Variants in HS3ST2 observed in about 807,000 individuals in gnomAD.
The protein encoded by HS3ST2 is heparan sulfate-glucosamine 3-sulfotransferase 2.
Under a neutral mutation model 26.3 loss-of-function variants are expected in HS3ST2, and 17 were observed. The ratio of observed to expected loss-of-function variants is 0.65; its 90% CI spans 0.44 to 0.97. The LOEUF (loss-of-function observed/expected upper bound fraction) is 0.97. Among genes scored for constraint, HS3ST2 ranks in the 50% least tolerant of loss-of-function variants. The probability of loss-of-function intolerance (pLI) is 0.00; values close to 1 mark genes in which losing one functional copy is unlikely to be tolerated. For synonymous variants in HS3ST2, 237 were observed against 219.2 expected (o/e 1.08, Z -0.72); for missense variants, 402 against 501.2 (o/e 0.80, Z 1.89).
chr16:22,901,885 T>A (rs769935998), intron 1 of HS3ST2, among the ~76,000 whole-genome samples: 2 of 152,164 alleles, frequency 1.3e-5, no homozygotes, highest in Admixed American at 1.3e-4. Context: ...AAAAATAGCT[T>A]TTCATTAGAT....
At chr16:22,844,856 T>C (rs1025031255) in intron 1 of HS3ST2, among the ~76,000 whole-genome samples, 21 of 151,932 alleles carry the variant, frequency 1.4e-4, no homozygotes, top group Middle Eastern at 3.4e-3. Flanking sequence ...TTTTCTTTTC[T>C]TTCTTTTTTT....
At chr16:22,823,377 A>C (rs1210891604) in intron 1 of HS3ST2, among the ~76,000 whole-genome samples, 1 of 152,182 alleles carries the variant, frequency 6.6e-6, no homozygotes, top group Non-Finnish European at 1.5e-5. Context: ...GAGATAATAC[A>C]TCTCACTGTG....
At chr16:22,912,901 C>T (rs923249568) in intron 1 of HS3ST2, among the ~76,000 whole-genome samples, 1 of 151,936 alleles carries the variant, frequency 6.6e-6, no homozygotes, top group Non-Finnish European at 1.5e-5. Flanking sequence ...TTAGCTAGTC[C>T]TCAATTTGGT....
rs542557753 is a variant in HS3ST2 at position 22,892,864 on chromosome 16, A to G, written c.486-22080A>G. Reference sequence around the variant, plus strand: ...CTCTTTTCATTAATATACTGATCCAATAGAAACTTTATAGTTATTATGTCA... The same window carrying G: ...CTCTTTTCATTAATATACTGATCCAGTAGAAACTTTATAGTTATTATGTCA... On this transcript the variant is annotated intron_variant, in intron 1 of 1. Coordinates refer to ENST00000261374, the MANE Select transcript of HS3ST2 (RefSeq NM_006043.2). 7.9e-5 allele frequency among the ~76,000 whole-genome samples: 12 copies of G among 152,310 alleles called. No homozygotes were observed. The East Asian group carries it at 1.7e-3, about 22-fold the overall frequency.
chr16:22,902,056 G>A (rs556885358), intron 1 of HS3ST2, among the ~76,000 whole-genome samples: 4 of 152,304 alleles, frequency 2.6e-5, no homozygotes, highest in Non-Finnish European at 4.4e-5. Flanking sequence ...AATGTATTGT[G>A]TATCCTTTTA....
At chr16:22,818,036 C>A (rs955173897) in intron 1 of HS3ST2, among the ~76,000 whole-genome samples, 18 of 152,204 alleles carry the variant, frequency 1.2e-4, no homozygotes, top group Non-Finnish European at 4.4e-5. Flanking sequence ...CCCGTTCAGG[C>A]CACTACCAGA....
At chr16:22,896,945 C>T (rs924780164) in intron 1 of HS3ST2, among the ~76,000 whole-genome samples, 7 of 152,166 alleles carry the variant, frequency 4.6e-5, no homozygotes, top group Non-Finnish European at 1.0e-4. Context: ...GTAGCTGAGA[C>T]TACAGGTATA....
rs1286211790 is a variant in HS3ST2, at chr16:22,885,125, G to A, written c.486-29819G>A. Among the ~76,000 whole-genome samples, 4 of 152,014 alleles carry A rather than the reference G, an allele frequency of 2.6e-5. No homozygotes were observed. The East Asian group carries it at 7.8e-4, about 29-fold the overall frequency. On this transcript the variant is annotated intron_variant, in intron 1 of 1. Coordinates refer to ENST00000261374, the MANE Select transcript of HS3ST2 (RefSeq NM_006043.2). ...CAAAGTGCTGGGATTACAGGCATAAGCCATCGCTCCCAGCCAACATTTTTC... is the reference window on the plus strand; with the variant it reads ...CAAAGTGCTGGGATTACAGGCATAAACCATCGCTCCCAGCCAACATTTTTC...
At chr16:22,825,782 G>A (rs144559085) in intron 1 of HS3ST2, among the ~76,000 whole-genome samples, 274 of 152,362 alleles carry the variant, frequency 1.8e-3, no homozygotes, top group African/African-American at 4.6e-3. Flanking sequence ...CCAGCACTTT[G>A]GGAGGCCAAG....
At chr16:22,875,822 C>A (rs1385541690) in intron 1 of HS3ST2, among the ~76,000 whole-genome samples, 1 of 152,152 alleles carries the variant, frequency 6.6e-6, no homozygotes, top group Non-Finnish European at 1.5e-5. Context: ...ATAGGTATAC[C>A]ATTTTTAACC....
At position 22,915,209 on chromosome 16, in the gene HS3ST2, G is replaced by T; in HGVS notation, c.751G>T (p.Gly251Cys). The change falls in exon 2 of 2, where the codon GGC (glycine) becomes TGC (cysteine). Residue 251 changes from glycine (G) to cysteine (C), a missense_variant. Coordinates refer to ENST00000261374, the MANE Select transcript of HS3ST2 (RefSeq NM_006043.2). ...VDVSWNAIRI[G>C]MYVLHLESWL... The stretch of plus-strand genomic sequence containing the variant: ...CGTGTCATGGAACGCCATCCGCATC[G>T]GCATGTACGTGCTGCACCTGGAGAG... 1 of 1,614,098 alleles carries T rather than the reference G, an allele frequency of 6.2e-7. No individual in the cohort carries two copies. Among genetic ancestry groups the T allele is most frequent in the South Asian group, 1.1e-5 (1 of 91,070 alleles).
At chr16:22,824,408 G>A (rs188711483) in intron 1 of HS3ST2, among the ~76,000 whole-genome samples, 16 of 152,122 alleles carry the variant, frequency 1.1e-4, no homozygotes, top group Non-Finnish European at 2.2e-4. Flanking sequence ...TTAGCCGGGC[G>A]TGGTGGCAGG....
intron 1 of HS3ST2, among the ~76,000 whole-genome samples, chr16:22,865,461 CAGG>C (rs1901737879): frequency 6.6e-6 from 1 of 151,656 alleles, no homozygotes; most frequent in Non-Finnish European, 1.5e-5. Flanking sequence ...GAGGCTGAGG[CAGG>C]AGAATTGCTT....
chr16:22,829,319 A>C (rs1006380768), intron 1 of HS3ST2, among the ~76,000 whole-genome samples: 1 of 152,148 alleles, frequency 6.6e-6, no homozygotes, highest in African/African-American at 2.4e-5. Context: ...GGTTATGCAG[A>C]ATAGGTGGGG....
intron 1 of HS3ST2, among the ~76,000 whole-genome samples, chr16:22,836,699 G>A (rs1418506206): frequency 6.6e-6 from 1 of 152,042 alleles, no homozygotes; most frequent in Non-Finnish European, 1.5e-5. Context: ...CAGCCAAATT[G>A]AAATGTTTAG....
intron 1 of HS3ST2, 113 bp downstream of exon 1, chr16:22,815,208 A>G: frequency 7.3e-7 from 1 of 1,369,562 alleles, no homozygotes; most frequent in Non-Finnish European, 9.9e-7. Context: ...GTATGGGTTC[A>G]GGCTGACACA....
chr16:22,879,563 C>T (rs1875778), intron 1 of HS3ST2, among the ~76,000 whole-genome samples: 39 of 152,250 alleles, frequency 2.6e-4, no homozygotes, highest in Admixed American at 1.8e-3. Context: ...ACTGAGTGCA[C>T]GTGACCCGAG....
chr16:22,881,956 A>G (rs1269979020), intron 1 of HS3ST2, among the ~76,000 whole-genome samples: 2 of 152,262 alleles, frequency 1.3e-5, no homozygotes, highest in African/African-American at 4.8e-5. Context: ...GGCTCTTATC[A>G]TGTTTGTTTG....
At chr16:22,835,313 A>T in intron 1 of HS3ST2, among the ~76,000 whole-genome samples, 1 of 147,400 alleles carries the variant, frequency 6.8e-6, no homozygotes, top group African/African-American at 2.6e-5. Context: ...TGTTTTCTTC[A>T]TTTTTGTATT....
Sources: allele counts gnomAD v4.1 joint callset (sites outside exome capture counted in the v4.1 genomes callset), GRCh38; gene constraint gnomAD v4.1.1; transcripts MANE v1.5; gene names NCBI Gene and HGNC (gene_info 2026-07-23, HGNC 2026-07-21).